The following BTBD9 variants were observed in gnomAD, a reference collection of about 807,000 sequenced individuals.
The protein encoded by BTBD9 is BTB domain containing 9, also known as BTB/POZ domain-containing protein 9.
BTBD9 carries 49 observed loss-of-function variants against 64.3 expected under a neutral mutation model. The observed-to-expected ratio is 0.76, with a 90% CI of 0.61 to 0.97. The LOEUF (loss-of-function observed/expected upper bound fraction) is 0.97. Ranked by LOEUF, BTBD9 falls within the 50% of genes least tolerant of loss-of-function variation. The probability of loss-of-function intolerance (pLI) is 0.00; values close to 1 mark genes in which losing one functional copy is unlikely to be tolerated. For synonymous variants in BTBD9, 260 were observed against 274.7 expected, an observed-to-expected ratio of 0.95 and a Z score of 0.53; for missense variants, 598 against 762.1, an observed-to-expected ratio of 0.78 and a Z score of 2.53.
At chr6:38,207,139 G>A (rs1762682830) in intron 9 of BTBD9, 1 of 159,266 alleles carries the variant, frequency 6.3e-6, no homozygotes, top group Non-Finnish European at 1.4e-5. Context: ...TCATCACTGG[G>A]GATTGGTTAA....
chr6:38,377,338 C>T (rs1473476886), intron 6 of BTBD9, among the ~76,000 whole-genome samples: 1 of 152,042 alleles, frequency 6.6e-6, no homozygotes, highest in Non-Finnish European at 1.5e-5. Flanking sequence ...CCATTGGAAA[C>T]AATTACTTAC....
At chr6:38,226,352 C>T (rs1261410730) in intron 9 of BTBD9, among the ~76,000 whole-genome samples, 1 of 152,226 alleles carries the variant, frequency 6.6e-6, no homozygotes, top group Non-Finnish European at 1.5e-5. Flanking sequence ...CAGGACTCAG[C>T]AGCTCTTACA....
intron 6 of BTBD9, among the ~76,000 whole-genome samples, chr6:38,454,227 G>C (rs534311748): frequency 6.6e-6 from 1 of 152,180 alleles, no homozygotes; most frequent in Admixed American, 6.5e-5. Context: ...GGCGGACACA[G>C]CTATTTTATT....
intron 9 of BTBD9, among the ~76,000 whole-genome samples, chr6:38,254,239 A>G (rs1006608919): frequency 2.6e-5 from 4 of 151,812 alleles, no homozygotes; most frequent in African/African-American, 9.7e-5. Flanking sequence ...TGACTGTCCC[A>G]TGACTGAGAA....
intron 6 of BTBD9, among the ~76,000 whole-genome samples, chr6:38,350,064 C>T (rs566170974): frequency 2.6e-5 from 4 of 152,344 alleles, no homozygotes; most frequent in Admixed American, 2.6e-4. Flanking sequence ...TCCAGGGAGA[C>T]TGCTCAGGGC....
At chr6:38,614,999 G>A (rs144185521) in intron 1 of BTBD9, among the ~76,000 whole-genome samples, 86 of 152,294 alleles carry the variant, frequency 5.6e-4, no homozygotes, top group African/African-American at 1.9e-3. Flanking sequence ...AGAAAAAAAC[G>A]TTTAACTGGG....
In BTBD9 at chr6:38,381,121, T is replaced by C. The variant is rs1253477383; in HGVS notation, c.1155-36028A>G. Among the ~76,000 whole-genome samples the C allele has an allele frequency of 3.3e-5, 5 of 151,768 alleles. No individual in the cohort carries two copies. The East Asian group carries it at 5.8e-4, about 18-fold the overall frequency. ...ATAGCAAAAAATGATAGGGGAGAAA[T>C]AGATCAAATGTATTAGGAAACATAA... On this transcript the variant is annotated intron_variant, in intron 6 of 10. Transcript: ENST00000481247.
intron 6 of BTBD9, among the ~76,000 whole-genome samples, chr6:38,493,392 T>G (rs1377927297): frequency 6.6e-6 from 1 of 152,160 alleles, no homozygotes; most frequent in Non-Finnish European, 1.5e-5. Context: ...ATGGCAACAA[T>G]ATTTGTGCTG....
intron 6 of BTBD9, among the ~76,000 whole-genome samples, chr6:38,517,352 A>C (rs552806794): frequency 1.3e-5 from 2 of 152,316 alleles, no homozygotes; most frequent in South Asian, 4.1e-4. Flanking sequence ...AAAAAGTTTG[A>C]CTTCAACCTT....
chr6:38,629,493 A>G (rs947609043), intron 1 of BTBD9, among the ~76,000 whole-genome samples: 3 of 152,264 alleles, frequency 2.0e-5, no homozygotes, highest in African/African-American at 7.2e-5. Context: ...GGATCTAATC[A>G]TAACCAGATA....
chr6:38,414,242 A>G (rs1767565191), intron 6 of BTBD9, among the ~76,000 whole-genome samples: 1 of 152,190 alleles, frequency 6.6e-6, no homozygotes, highest in Admixed American at 6.5e-5. Context: ...TTGCTTGATA[A>G]TATGTTGTAA....
intron 6 of BTBD9, among the ~76,000 whole-genome samples, chr6:38,505,288 C>T (rs912490103): frequency 1.3e-5 from 2 of 152,148 alleles, no homozygotes; most frequent in Admixed American, 6.6e-5. Flanking sequence ...CTAATTTCCA[C>T]GTGTCTACAT....
chr6:38,414,860 C>T (rs566580015), intron 6 of BTBD9, among the ~76,000 whole-genome samples: 1 of 152,184 alleles, frequency 6.6e-6, no homozygotes, highest in South Asian at 2.1e-4. Flanking sequence ...CTTTATATAC[C>T]TGTCCTAGGC....
chr6:38,558,258 A>T lies in BTBD9; in HGVS notation c.1154+19342T>A, dbSNP rs549828208. Among the ~76,000 whole-genome samples, 7 of 67,680 alleles carry T rather than the reference A, an allele frequency of 1.0e-4. No individual in the cohort carries two copies. In the South Asian group the frequency reaches 4.1e-3, roughly 39 times the overall value. The allele number at this position is 67,680 out of a possible 152,430, so 44.4% of individuals were successfully genotyped here. A position where few individuals can be genotyped will look rare whatever the true frequency, so the allele number is the denominator to read the frequency against. On this transcript the variant is annotated intron_variant, in intron 6 of 10. Coordinates refer to ENST00000481247, the MANE Select transcript of BTBD9 (RefSeq NM_001099272.2). ...GAATGATGCAGTGAGACCCTTTCTT[A>T]AAAAAAAAAAAAATCTATCAGGTCT...
At chr6:38,337,472 T>C (rs1222929712) in intron 7 of BTBD9, among the ~76,000 whole-genome samples, 2 of 152,246 alleles carry the variant, frequency 1.3e-5, no homozygotes, top group African/African-American at 4.8e-5. Context: ...AGCACTTCTG[T>C]AATGCTCCTT....
chr6:38,374,297 G>GTGTATATATGTATATATA, intron 6 of BTBD9, among the ~76,000 whole-genome samples: 1 of 53,700 alleles, frequency 1.9e-5, no homozygotes, highest in South Asian at 7.5e-4. Context: ...ATATATATAT[G>GTGTATATATGTATATATA]TATATATATG....
At chr6:38,475,286 G>C (rs151186437) in intron 6 of BTBD9, among the ~76,000 whole-genome samples, 106 of 152,184 alleles carry the variant, frequency 7.0e-4, no homozygotes, top group African/African-American at 2.5e-3. Context: ...TTCTTCAATA[G>C]TAATACTTAT....
intron 1 of BTBD9, among the ~76,000 whole-genome samples, chr6:38,628,300 A>C (rs966284165): frequency 1.3e-5 from 2 of 152,236 alleles, no homozygotes; most frequent in African/African-American, 4.8e-5. Flanking sequence ...CACACAGAAG[A>C]AAGCAGGGGA....
chr6:38,543,261 G>A (rs982166122), intron 6 of BTBD9, among the ~76,000 whole-genome samples: 4 of 152,010 alleles, frequency 2.6e-5, no homozygotes, highest in Non-Finnish European at 5.9e-5. Context: ...CCCCACCCAA[G>A]CCTATAACCC....
Sources: gnomAD v4.1 joint callset for allele counts (sites outside exome capture counted in the v4.1 genomes callset) on GRCh38, gnomAD v4.1.1 for gene constraint, MANE v1.5 for transcripts, NCBI Gene and HGNC (gene_info 2026-07-23, HGNC 2026-07-21) for gene names.